The following RPSA2 variants were observed in gnomAD, a reference collection of about 807,000 sequenced individuals.
The protein encoded by RPSA2 is small ribosomal subunit protein uS2B.
the RPSA2 span, among the ~76,000 whole-genome samples, chr19:23,857,386 T>C: frequency 1.3e-5 from 2 of 152,052 alleles, no homozygotes; most frequent in East Asian, 1.9e-4. Context: ...TTTATGTTCC[T>C]CTACCGTGGC....
At chr19:23,775,435 A>G in the RPSA2 span, among the ~76,000 whole-genome samples, 1 of 152,162 alleles carries the variant, frequency 6.6e-6, no homozygotes, top group South Asian at 2.1e-4. Flanking sequence ...AGGTACGATC[A>G]CGGGTCCATA....
At chr19:23,862,528 T>C in the RPSA2 span, among the ~76,000 whole-genome samples, 2 of 151,982 alleles carry the variant, frequency 1.3e-5, no homozygotes, top group African/African-American at 2.4e-5. Flanking sequence ...CATAGATAGC[T>C]CTTATTATTT....
At chr19:23,826,038 A>AAAAAC in the RPSA2 span, among the ~76,000 whole-genome samples, 4 of 151,228 alleles carry the variant, frequency 2.6e-5, no homozygotes, top group Non-Finnish European at 4.4e-5. Flanking sequence ...TGTCAAAAAA[A>AAAAAC]AACAAAATTT....
the RPSA2 span, chr19:23,833,067 A>T: frequency 1.5e-6 from 2 of 1,324,196 alleles, no homozygotes; most frequent in Admixed American, 2.8e-5. Context: ...AGTGTGAAGA[A>T]TGTGGCAAAT....
At chr19:23,790,536 A>G in the RPSA2 span, among the ~76,000 whole-genome samples, 5 of 151,986 alleles carry the variant, frequency 3.3e-5, no homozygotes, top group African/African-American at 1.2e-4. Context: ...GTCTTGAACG[A>G]TATCCAGTCA....
chr19:23,759,109 C>T, the RPSA2 span, among the ~76,000 whole-genome samples: 6 of 152,168 alleles, frequency 3.9e-5, no homozygotes, highest in African/African-American at 1.2e-4. Flanking sequence ...AAGCCAGGCC[C>T]ACCCAACAGG....
chr19:23,860,467 C>T, the RPSA2 span, among the ~76,000 whole-genome samples: 1 of 152,174 alleles, frequency 6.6e-6, no homozygotes, highest in East Asian at 1.9e-4. Flanking sequence ...TTCTCACTTC[C>T]CAGTTCTCCA....
At chr19:23,835,427 C>T in the RPSA2 span, among the ~76,000 whole-genome samples, 1 of 151,926 alleles carries the variant, frequency 6.6e-6, no homozygotes, top group African/African-American at 2.4e-5. Context: ...TAATCAGGGG[C>T]CTAATTCACT....
the RPSA2 span, among the ~76,000 whole-genome samples, chr19:23,855,483 G>A: frequency 1.3e-5 from 2 of 152,186 alleles, no homozygotes; most frequent in Non-Finnish European, 2.9e-5. Flanking sequence ...GCATCAGGAG[G>A]TTCCAGCACG....
At chr19:23,779,819 G>A in the RPSA2 span, among the ~76,000 whole-genome samples, 1 of 152,166 alleles carries the variant, frequency 6.6e-6, no homozygotes, top group African/African-American at 2.4e-5. Flanking sequence ...ACATACTTCA[G>A]GCCCCAGCCA....
the RPSA2 span, among the ~76,000 whole-genome samples, chr19:23,840,962 CAAAAAAA>C: frequency 0.44 from 51,921 of 117,366 alleles, 10,276 homozygotes; most frequent in Middle Eastern, 0.5. Context: ...AACTCCGTCT[CAAAAAAA>C]AAAAAAAAAA....
chr19:23,786,319 G>A, the RPSA2 span, among the ~76,000 whole-genome samples: 9,857 of 152,240 alleles, frequency 0.065, 468 homozygotes, highest in East Asian at 0.22. Context: ...ACCTTCCTGC[G>A]GGAGTGATTA....
At chr19:23,860,318 C>A in the RPSA2 span, among the ~76,000 whole-genome samples, 1 of 152,116 alleles carries the variant, frequency 6.6e-6, no homozygotes, top group Non-Finnish European at 1.5e-5. Context: ...ATCAAATAAG[C>A]CTCATATTTT....
the RPSA2 span, among the ~76,000 whole-genome samples, chr19:23,767,857 C>T: frequency 1.3e-5 from 2 of 151,342 alleles, no homozygotes; most frequent in Admixed American, 6.6e-5. Context: ...ACCTCCGCCT[C>T]CCGGGTTCAA....
chr19:23,858,103 C>A, the RPSA2 span, among the ~76,000 whole-genome samples: 1 of 107,136 alleles, frequency 9.3e-6, no homozygotes, highest in East Asian at 3.1e-4. Context: ...TGAGTATAAG[C>A]AAATATATAT....
the RPSA2 span, among the ~76,000 whole-genome samples, chr19:23,870,446 A>G: frequency 6.6e-6 from 1 of 152,308 alleles, no homozygotes; most frequent in East Asian, 1.9e-4. Flanking sequence ...ATATAACCAA[A>G]GAGTATCCAT....
the RPSA2 span, among the ~76,000 whole-genome samples, chr19:23,785,598 T>A: frequency 6.6e-6 from 1 of 152,170 alleles, no homozygotes; most frequent in Non-Finnish European, 1.5e-5. Flanking sequence ...CAGGAGAAGG[T>A]TGTAACATAT....
chr19:23,842,330 A>G, the RPSA2 span, among the ~76,000 whole-genome samples: 1 of 152,226 alleles, frequency 6.6e-6, no homozygotes, highest in African/African-American at 2.4e-5. Flanking sequence ...TCAGAAAACT[A>G]TAGTAATTAC....
At chr19:23,812,456 C>T in the RPSA2 span, among the ~76,000 whole-genome samples, 1 of 134,188 alleles carries the variant, frequency 7.5e-6, no homozygotes, top group Non-Finnish European at 1.5e-5. Flanking sequence ...GAGTGTAATG[C>T]AGTATCTCGG....
Sources: allele counts gnomAD v4.1 joint callset (sites outside exome capture counted in the v4.1 genomes callset), GRCh38; gene constraint gnomAD v4.1.1; transcripts MANE v1.5; gene names NCBI Gene and HGNC (gene_info 2026-07-23, HGNC 2026-07-21).